Variants in NT5C3A observed in about 807,000 individuals in gnomAD.
The protein encoded by NT5C3A is cytosolic 5'-nucleotidase 3A.
In NT5C3A, 23 loss-of-function variants were observed where a neutral mutation model predicts 40.0. The ratio of observed to expected loss-of-function variants is 0.58; its 90% CI spans 0.41 to 0.81. The LOEUF (loss-of-function observed/expected upper bound fraction) is 0.81. Among genes scored for constraint, NT5C3A ranks in the 40% least tolerant of loss-of-function variants. The probability of loss-of-function intolerance (pLI) is 0.00; values close to 1 mark genes in which losing one functional copy is unlikely to be tolerated. For missense variants in NT5C3A, 328 were observed against 403.0 expected (o/e 0.81, Z 1.59); for synonymous variants, 130 against 141.4 (o/e 0.92, Z 0.57).
intron 7 of NT5C3A, among the ~76,000 whole-genome samples, chr7:33,016,911 G>C (rs937358802): frequency 1.3e-5 from 2 of 151,630 alleles, no homozygotes; most frequent in Non-Finnish European, 2.9e-5. Context: ...GGCTATGTGT[G>C]GTGGCTCATG....
chr7:33,046,950 C>T (rs1787181430), intron 1 of NT5C3A, among the ~76,000 whole-genome samples: 1 of 149,076 alleles, frequency 6.7e-6, no homozygotes, highest in African/African-American at 2.5e-5. Context: ...ACCACAGGTG[C>T]ACCCTGCCAC....
intron 1 of NT5C3A, among the ~76,000 whole-genome samples, chr7:33,047,607 G>A (rs971451553): frequency 1.3e-5 from 2 of 151,942 alleles, no homozygotes; most frequent in Non-Finnish European, 2.9e-5. Flanking sequence ...AACAAATTAA[G>A]TAAACAATCT....
At chr7:33,032,111 C>T (rs1420581111) in intron 1 of NT5C3A, among the ~76,000 whole-genome samples, 5 of 150,956 alleles carry the variant, frequency 3.3e-5, no homozygotes, top group Non-Finnish European at 7.4e-5. Context: ...AGTGACAGAG[C>T]GAGACTCTGT....
chr7:33,026,944 G>A (rs1026896497), intron 1 of NT5C3A, 29 bp from the exon 2 acceptor site: 4 of 1,454,052 alleles, frequency 2.8e-6, no homozygotes, highest in African/African-American at 2.8e-5. Flanking sequence ...TAATTAATTA[G>A]TTTTCATTCT....
At chr7:33,061,460 G>A (rs1379884714) in intron 1 of NT5C3A, among the ~76,000 whole-genome samples, 1 of 152,108 alleles carries the variant, frequency 6.6e-6, no homozygotes, top group African/African-American at 2.4e-5. Flanking sequence ...ATCCACAGGT[G>A]TGATTATAAC....
rs921544832 is a variant in NT5C3A at position 33,062,624 on chromosome 7, G to C, written c.82C>G (p.Gln28Glu). The change falls in exon 1 of 9, where the codon CAG (glutamine) becomes GAG (glutamate). Residue 28 changes from glutamine (Q) to glutamate (E), a missense_variant. By Grantham distance (29) the Gln-to-Glu change is conservative. Transcript: ENST00000610140. ...TTCCTCTTCAAGGTGAATATGTACTGAGCCAGCACCACCCCCGCCACCAGG... is the reference window on the plus strand; with the variant it reads ...TTCCTCTTCAAGGTGAATATGTACTCAGCCAGCACCACCCCCGCCACCAGG... ...CALVAGVVLA[Q>E]YIFTLKRKTG... 7.5e-6 allele frequency: 12 copies of C among 1,607,372 alleles called. No homozygotes were observed. The highest frequency in any genetic ancestry group is 8.5e-6 in the Non-Finnish European group (10 of 1,177,756).
Position 33,024,155 on chromosome 7 carries a change from G to A in NT5C3A, c.238-47C>T, listed in dbSNP as rs757009185. 18 of 1,108,416 alleles carry A rather than the reference G, an allele frequency of 1.6e-5. No individual in the cohort carries two copies. The South Asian group carries it at 1.9e-4, about 12-fold the overall frequency. 68.7% of individuals were successfully genotyped at this position (1,108,416 alleles called of 1,614,324 possible). ...CATTATTGTAAACATAGCCCACATG[G>A]CCAGAATTTCTCTGTGCTACCCAAA... On this transcript the variant is annotated intron_variant, in intron 2 of 8. Coordinates refer to ENST00000610140, the MANE Select transcript of NT5C3A (RefSeq NM_001002010.5).
intron 1 of NT5C3A, among the ~76,000 whole-genome samples, chr7:33,050,188 G>A (rs145619899): frequency 6.6e-6 from 1 of 152,060 alleles, no homozygotes. Flanking sequence ...TAAATGCGTA[G>A]AGTATACTTG....
intron 1 of NT5C3A, among the ~76,000 whole-genome samples, chr7:33,043,877 T>C (rs945287771): frequency 5.9e-5 from 9 of 152,190 alleles, no homozygotes; most frequent in Non-Finnish European, 1.3e-4. Context: ...AAGCATGCGA[T>C]GGCCCTTTAC....
In NT5C3A at chr7:33,024,048, T is replaced by C. The variant is rs1184060297; in HGVS notation, c.298A>G (p.Thr100Ala). ...RFSYKGKRCP[T>A]CHNIIDNCKL... ...CAAATATCACACTTACTATGACATG[T>C]TGGGCATCTTTTCCCTTTATATGAA... is the stretch of plus-strand genomic sequence containing the variant. Residue 100 changes from threonine (T) to alanine (A), a missense_variant, in exon 3 of 9, where the codon ACA (threonine) becomes GCA (alanine). By Grantham distance (58) the Thr-to-Ala change is moderately conservative. Around this residue, in one of 3 missense-constraint regions of NT5C3A, gnomAD observed 280 missense variants for 317.2 expected, o/e 0.88. Transcript: ENST00000610140. 2 of 1,551,314 alleles carry C rather than the reference T, an allele frequency of 1.3e-6. No individual in the cohort carries two copies. Among genetic ancestry groups the C allele is most frequent in the South Asian group, 1.1e-5 (1 of 89,476 alleles).
At chr7:33,057,057 C>T (rs915639430) in intron 1 of NT5C3A, among the ~76,000 whole-genome samples, 8 of 152,148 alleles carry the variant, frequency 5.3e-5, no homozygotes, top group Non-Finnish European at 1.0e-4. Flanking sequence ...AGGTGATCCG[C>T]CCGCCTTGGC....
At position 33,024,094 on chromosome 7, in the gene NT5C3A, A is replaced by C. The variant is rs1234945279; in HGVS notation, c.252T>G (p.Phe84Leu). 1 of 1,576,976 alleles carries C rather than the reference A, an allele frequency of 6.3e-7. No individual in the cohort carries two copies. The highest frequency in any genetic ancestry group is 8.7e-7 in the Non-Finnish European group (1 of 1,146,980). Reference sequence around the variant, plus strand: ...ATGAAAATCTACTGAGTGTCATATCAAAGTCCGTTATTATCTGTAAGAAAA... The same window carrying C: ...ATGAAAATCTACTGAGTGTCATATCCAAGTCCGTTATTATCTGTAAGAAAA... ...GAAKLQIITD[F>L]DMTLSRFSYK... The change falls in exon 3 of 9, where the codon TTT becomes TTG. Residue 84 changes from phenylalanine to leucine, a missense_variant. Phe to Leu is a conservative substitution (Grantham distance 22). Transcript: ENST00000610140.
At chr7:33,046,983 T>TC (rs1787183765) in intron 1 of NT5C3A, among the ~76,000 whole-genome samples, 1 of 68,286 alleles carries the variant, frequency 1.5e-5, no homozygotes, top group African/African-American at 7.3e-5. Context: ...TTTTTTTTTT[T>TC]TTTAAGAGTC....
intron 1 of NT5C3A, chr7:33,036,105 T>A (rs746243681): frequency 2.6e-6 from 2 of 783,848 alleles, no homozygotes; most frequent in Non-Finnish European, 4.4e-6. Flanking sequence ...ATTTTTGGTA[T>A]GACTTATTTA....
In NT5C3A at chr7:33,058,812, C is replaced by A. The variant is rs77149276; in HGVS notation, c.138+3756G>T. Among the ~76,000 whole-genome samples the A allele has an allele frequency of 6.6e-3, 1,006 of 152,342 alleles. 10 individuals carry two copies. The highest frequency in any genetic ancestry group is 0.023 in the African/African-American group (945 of 41,574). On this transcript the variant is annotated intron_variant, in intron 1 of 8. Transcript: ENST00000610140. ...TACTCCTCTGCCCACCAACATACTT[C>A]TGTGCCAACCATTCGAAAAACAAAA... is the stretch of plus-strand genomic sequence containing the variant.
At chr7:33,020,231 G>A (rs948030312) in intron 5 of NT5C3A, among the ~76,000 whole-genome samples, 3 of 151,950 alleles carry the variant, frequency 2.0e-5, no homozygotes, top group African/African-American at 7.3e-5. Context: ...AGTATAAAGG[G>A]CCCTTAGACT....
Position 33,014,702 on chromosome 7 carries a change from G to A in NT5C3A, c.*28C>T. 1 of 1,609,480 alleles carries A rather than the reference G, an allele frequency of 6.2e-7. No homozygotes were observed. The highest frequency in any genetic ancestry group is 1.1e-5 in the South Asian group (1 of 90,904). On this transcript the variant is annotated 3_prime_UTR_variant, in exon 9 of 9. Transcript: ENST00000610140. ...ATGAACAGTTCAATTGCACCCACAGGAGAGAGGTCTTCTTGGAGAATGCTT... is the reference window on the plus strand; with the variant it reads ...ATGAACAGTTCAATTGCACCCACAGAAGAGAGGTCTTCTTGGAGAATGCTT...
intron 2 of NT5C3A, 117 bp from the exon 3 acceptor site, chr7:33,024,225 C>G: frequency 1.4e-6 from 1 of 702,894 alleles, no homozygotes; most frequent in Non-Finnish European, 2.6e-6. Flanking sequence ...GTGCTCAAGT[C>G]TCTGGTCCAC....
At chr7:33,038,213 G>A (rs529062440) in intron 1 of NT5C3A, among the ~76,000 whole-genome samples, 4 of 151,386 alleles carry the variant, frequency 2.6e-5, no homozygotes, top group Admixed American at 6.6e-5. Context: ...CAAAAATACC[G>A]CATAATCTGT....
Sources: gnomAD v4.1 joint callset for allele counts (sites outside exome capture counted in the v4.1 genomes callset) on GRCh38, gnomAD v4.1.1 for gene constraint, gnomAD v4.1.1 regional missense constraint, MANE v1.5 for transcripts, NCBI Gene and HGNC (gene_info 2026-07-23, HGNC 2026-07-21) for gene names.